MPRIP: variants seen among roughly 807,000 people sequenced by gnomAD.
MPRIP encodes the protein myosin phosphatase Rho interacting protein.
In MPRIP, 59 loss-of-function variants were observed where a neutral mutation model predicts 234.9. That is an observed-to-expected ratio of 0.25 (90% CI 0.20 to 0.31). MPRIP has a LOEUF of 0.31. MPRIP is among the 10% of genes least tolerant of loss of function. The probability of loss-of-function intolerance (pLI) is 1.00; values close to 1 mark genes in which losing one functional copy is unlikely to be tolerated. For missense variants in MPRIP, 2,436 were observed against 3,071.0 expected, an observed-to-expected ratio of 0.79 and a Z score of 4.89; for synonymous variants, 1,144 against 1,263.9, an observed-to-expected ratio of 0.91 and a Z score of 2.01.
At chr17:17,082,807 C>G (rs931925856) in intron 3 of MPRIP, among the ~76,000 whole-genome samples, 5 of 152,234 alleles carry the variant, frequency 3.3e-5, no homozygotes, top group African/African-American at 1.2e-4. Context: ...CCATGCTATT[C>G]TCTGTCTCTA....
intron 1 of MPRIP, among the ~76,000 whole-genome samples, chr17:17,051,418 C>G (rs530991210): frequency 1.8e-4 from 27 of 152,248 alleles, no homozygotes; most frequent in Non-Finnish European, 1.0e-4. Context: ...ATTCCCCAAG[C>G]CACTCTTTCT....
chr17:17,053,337 A>T (rs74605358), intron 1 of MPRIP, among the ~76,000 whole-genome samples: 6,795 of 152,158 alleles, frequency 0.045, 473 homozygotes, highest in African/African-American at 0.14. Context: ...GGTTATAATA[A>T]TAGTACCCAT....
At chr17:17,079,578 A>G (rs113865997) in intron 3 of MPRIP, among the ~76,000 whole-genome samples, 18 of 152,310 alleles carry the variant, frequency 1.2e-4, no homozygotes, top group African/African-American at 4.3e-4. Context: ...CCTGTGGCTG[A>G]CTGACTGGCT....
intron 3 of MPRIP, among the ~76,000 whole-genome samples, chr17:17,102,475 T>TG (rs1178035402): frequency 5.9e-5 from 9 of 152,354 alleles, no homozygotes; most frequent in Admixed American, 4.6e-4. Flanking sequence ...GTCATTGTGA[T>TG]GGGGCAGGTG....
intron 5 of MPRIP, among the ~76,000 whole-genome samples, chr17:17,134,334 G>C (rs1439179682): frequency 6.6e-6 from 1 of 152,158 alleles, no homozygotes; most frequent in Non-Finnish European, 1.5e-5. Flanking sequence ...GTTCTGCCCT[G>C]GGTCTTCTTC....
rs750624316 is a variant in MPRIP, at chr17:17,126,839, G to A, written c.405G>A (p.Lys135=). The change falls in exon 4 of 24, where the codon AAG becomes AAA. Residue 135 remains lysine (K), a synonymous_variant. Coordinates refer to ENST00000651222, the MANE Select transcript of MPRIP (RefSeq NM_001364716.4). Reference sequence around the variant, plus strand: ...AGCATTTCATCCGGGCGGAGACCAAGGAGATCGTCAGTGGGTGAGTATGCT... The same window carrying A: ...AGCATTTCATCCGGGCGGAGACCAAAGAGATCGTCAGTGGGTGAGTATGCT... ...EKEHFIRAET[K]EIVSGWLEML... 1 of 1,613,994 alleles carries A rather than the reference G, an allele frequency of 6.2e-7. No homozygotes were observed. Among genetic ancestry groups the A allele is most frequent in the Admixed American group, 1.7e-5 (1 of 60,020 alleles).
intron 1 of MPRIP, among the ~76,000 whole-genome samples, chr17:17,043,531 TCA>T (rs1302495441): frequency 1.3e-5 from 2 of 152,164 alleles, no homozygotes; most frequent in East Asian, 3.9e-4. Flanking sequence ...AGTTCCCTGG[TCA>T]CTGGCCGAGG....
rs915206157 is a variant in MPRIP at position 17,167,934 on chromosome 17, A to G, written c.6324+19A>G. 3 of 1,292,912 alleles carry G rather than the reference A, an allele frequency of 2.3e-6. No homozygotes were observed. The highest frequency in any genetic ancestry group is 1.5e-5 in the African/African-American group (1 of 65,766). 80.1% of individuals were successfully genotyped at this position (1,292,912 alleles called of 1,614,324 possible). A position where few individuals can be genotyped will look rare whatever the true frequency, so the allele number is the denominator to read the frequency against. On this transcript the variant is annotated intron_variant, in intron 16 of 23. Transcript: ENST00000651222. This position sits in a 1 kb window ranked among gnomAD's most constrained non-coding sequence, Gnocchi z 5.9. ...CCTTAAGGTCTTAACGCCCCATTCA[A>G]TTTGCAGAGCAGATCTTCCTTGATA...
At position 17,172,670 on chromosome 17, in the gene MPRIP, G is replaced by A. The variant is rs200135703; in HGVS notation, c.6473-28G>A. On this transcript the variant is annotated intron_variant, in intron 17 of 23. Coordinates refer to ENST00000651222, the MANE Select transcript of MPRIP (RefSeq NM_001364716.4). ...GTCAGCAGGAAGGGCGTGGTCCCTC[G>A]GTGCTGAGGCCGTGTCCTTGCCTGC... The A allele has an allele frequency of 5.9e-5, 94 of 1,589,450 alleles. 1 individual carries two copies. In the Admixed American group the frequency reaches 1.2e-3, roughly 20 times the overall value.
chr17:17,104,318 G>A (rs1251640757), intron 3 of MPRIP, among the ~76,000 whole-genome samples: 1 of 152,198 alleles, frequency 6.6e-6, no homozygotes, highest in Non-Finnish European at 1.5e-5. Flanking sequence ...ATACAGCAGT[G>A]TACCAGGCTG....
chr17:17,096,950 A>T (rs1330230326), intron 3 of MPRIP: 2 of 387,336 alleles, frequency 5.2e-6, no homozygotes, highest in Middle Eastern at 5.7e-4. Context: ...CAGCCATCGC[A>T]GGGAGCATAA....
intron 1 of MPRIP, among the ~76,000 whole-genome samples, chr17:17,051,088 T>C (rs781654937): frequency 1.1e-4 from 16 of 152,218 alleles, no homozygotes; most frequent in Non-Finnish European, 1.9e-4. Flanking sequence ...GCCTTCTCTT[T>C]GCAGAGTAGT....
intron 13 of MPRIP, among the ~76,000 whole-genome samples, chr17:17,157,273 C>T (rs1011810762): frequency 6.6e-6 from 1 of 152,230 alleles, no homozygotes; most frequent in African/African-American, 2.4e-5. Flanking sequence ...TCAGGCAGAC[C>T]TGGCTTCACT....
At chr17:17,143,282 C>T (rs1340859207) in intron 8 of MPRIP, among the ~76,000 whole-genome samples, 1 of 152,202 alleles carries the variant, frequency 6.6e-6, no homozygotes, top group East Asian at 1.9e-4. Flanking sequence ...GCTCTTCCTT[C>T]TGTGACCCAG....
chr17:17,136,634 T>A (rs1216001718), intron 6 of MPRIP, among the ~76,000 whole-genome samples, 184 bp downstream of exon 6: 1 of 152,252 alleles, frequency 6.6e-6, no homozygotes, highest in African/African-American at 2.4e-5. Context: ...GGCTCCAGTC[T>A]TGGCCTTGCC....
In MPRIP at chr17:17,042,914, T is replaced by C. The variant is rs1156285755; in HGVS notation, c.66T>C (p.Cys22=). ...FQANIFNKSK[C]QNCFKPRESH... ...CCAACATCTTCAACAAGAGCAAGTG[T>C]CAGAACTGCTTCAAGCCCCGCGAGT... The change falls in exon 1 of 24, where the codon TGT becomes TGC. Residue 22 remains cysteine (C), a synonymous_variant. Transcript: ENST00000651222. 6 of 1,610,618 alleles carry C rather than the reference T, an allele frequency of 3.7e-6. No homozygotes were observed. The highest frequency in any genetic ancestry group is 5.1e-6 in the Non-Finnish European group (6 of 1,179,100).
chr17:17,090,828 A>G (rs928652236), intron 3 of MPRIP, among the ~76,000 whole-genome samples: 4 of 151,864 alleles, frequency 2.6e-5, no homozygotes, highest in East Asian at 3.9e-4. Flanking sequence ...GGGTGGAGCT[A>G]CTCTGGCTCC....
At chr17:17,086,439 G>A (rs1003183142) in intron 3 of MPRIP, among the ~76,000 whole-genome samples, 2 of 152,202 alleles carry the variant, frequency 1.3e-5, no homozygotes, top group Non-Finnish European at 2.9e-5. Flanking sequence ...AATGAAGGAA[G>A]GTAGATTCTT....
rs780661459 is a variant in MPRIP at position 17,154,400 on chromosome 17, C to T, written c.1814C>T (p.Ala605Val). Residue 605 changes from alanine (A) to valine (V), a missense_variant, in exon 13 of 24, where the codon GCC (alanine) becomes GTC (valine). Transcript: ENST00000651222. Reference sequence around the variant, plus strand: ...ATGAAGCACGTGCACCCGACCACTGCCCCGGATGTGACCAGGTAGGATGGT... The same window carrying T: ...ATGAAGCACGTGCACCCGACCACTGTCCCGGATGTGACCAGGTAGGATGGT... ...TIMKHVHPTT[A>V]PDVTSSLPEE... is the part of the protein sequence containing the mutation. The T allele has an allele frequency of 2.5e-6, 4 of 1,614,084 alleles. No homozygotes were observed. Among genetic ancestry groups the T allele is most frequent in the East Asian group, 2.2e-5 (1 of 44,876 alleles).
Sources: allele counts gnomAD v4.1 joint callset (sites outside exome capture counted in the v4.1 genomes callset), GRCh38; gene constraint gnomAD v4.1.1; non-coding constraint Gnocchi (gnomAD v3.1); transcripts MANE v1.5; gene names NCBI Gene and HGNC (gene_info 2026-07-23, HGNC 2026-07-21).